Variants in RBM45 observed in about 807,000 individuals in gnomAD.
RBM45 encodes the protein RNA binding motif protein 45, also known as RNA-binding protein 45.
Under a neutral mutation model 58.5 loss-of-function variants are expected in RBM45, and 39 were observed. That is an observed-to-expected ratio of 0.67 (90% CI 0.52 to 0.87). The LOEUF is 0.87. RBM45 is among the 40% of genes least tolerant of loss of function. The pLI is 0.00. For synonymous variants in RBM45, 193 were observed against 203.0 expected, an observed-to-expected ratio of 0.95 and a Z score of 0.42; for missense variants, 481 against 581.6, an observed-to-expected ratio of 0.83 and a Z score of 1.78.
downstream of RBM45, among the ~76,000 whole-genome samples, chr2:178,132,928 C>T (rs762435990): frequency 9.2e-5 from 14 of 152,116 alleles, no homozygotes; most frequent in Non-Finnish European, 1.8e-4. Context: ...CAAGAATCAC[C>T]ATGAGTGTTT....
At chr2:178,115,766 G>T (rs571197682) in intron 1 of RBM45, among the ~76,000 whole-genome samples, 1 of 152,032 alleles carries the variant, frequency 6.6e-6, no homozygotes, top group Non-Finnish European at 1.5e-5. Flanking sequence ...ATTGTATTAC[G>T]TTTCTTCAAA....
chr2:178,136,653 A>G (rs2153907926), exon 4 of RBM45: 1 of 152,318 alleles, frequency 6.6e-6, no homozygotes, highest in East Asian at 1.9e-4. Context: ...TTATGTAGAT[A>G]GCGGTTGGGG....
At chr2:178,112,889 G>GC (rs760505950) in intron 1 of RBM45, 43 bp downstream of exon 1, 17 of 1,577,292 alleles carry the variant, frequency 1.1e-5, no homozygotes, top group South Asian at 1.0e-4. Flanking sequence ...GAAGGAGTGG[G>GC]CCTCTTGGAC....
downstream of RBM45, chr2:178,133,914 A>G (rs2088024920): frequency 6.6e-6 from 1 of 152,178 alleles, no homozygotes; most frequent in African/African-American, 2.4e-5. Flanking sequence ...TGGTATTGAT[A>G]GGAGATCAGA....
intron 1 of RBM45, among the ~76,000 whole-genome samples, chr2:178,114,585 T>C (rs1026108074): frequency 1.3e-5 from 2 of 152,070 alleles, no homozygotes; most frequent in African/African-American, 4.8e-5. Context: ...ACAGTCTAGT[T>C]TCTGTTTCTT....
intron 4 of RBM45, 58 bp downstream of exon 4, chr2:178,120,467 G>A (rs1436016337): frequency 2.0e-6 from 3 of 1,473,168 alleles, no homozygotes; most frequent in East Asian, 4.8e-5. Context: ...TCTAATTTGG[G>A]TTTTAAAGAA....
intron 9 of RBM45, among the ~76,000 whole-genome samples, chr2:178,127,084 G>A (rs551954133): frequency 5.9e-5 from 9 of 152,108 alleles, no homozygotes; most frequent in Admixed American, 1.3e-4. Flanking sequence ...CTACAGGCGC[G>A]TACCACCACG....
chr2:178,136,034 A>G (rs1443244367), intron 3 of RBM45, among the ~76,000 whole-genome samples: 1 of 152,222 alleles, frequency 6.6e-6, no homozygotes, highest in Admixed American at 6.5e-5. Flanking sequence ...ATGACAGCCC[A>G]GTGTGATGGC....
chr2:178,130,624 GAT>G (rs2087996120), downstream of RBM45, among the ~76,000 whole-genome samples: 2 of 152,054 alleles, frequency 1.3e-5, no homozygotes, highest in Admixed American at 1.3e-4. Context: ...ACATTGAATT[GAT>G]ATGTATAAAA....
chr2:178,138,197 TC>T (rs2088060467), exon 4 of RBM45: 1 of 152,158 alleles, frequency 6.6e-6, no homozygotes, highest in Non-Finnish European at 1.5e-5. Flanking sequence ...TTGTTCATTA[TC>T]CAGATCAGAA....
At chr2:178,122,764 G>T (rs2087872425) in intron 5 of RBM45, among the ~76,000 whole-genome samples, 1 of 152,020 alleles carries the variant, frequency 6.6e-6, no homozygotes, top group Non-Finnish European at 1.5e-5. Flanking sequence ...ACTTTATATG[G>T]TCATTTGATT....
Position 178,121,173 on chromosome 2 carries a change from G to A in RBM45, c.674-7G>A, listed in dbSNP as rs768602748. ...CTAAAGATTTACTTTTTTTTATATT[G>A]TCGGAGAACAACAATCTGAATTTTC... On this transcript the variant is annotated splice_polypyrimidine_tract_variant and splice_region_variant and intron_variant, in intron 4 of 9. Transcript: ENST00000286070. 2 of 1,429,970 alleles carry A rather than the reference G, an allele frequency of 1.4e-6. No homozygotes were observed. Among genetic ancestry groups the A allele is most frequent in the South Asian group, 2.5e-5 (2 of 79,288 alleles). The allele number at this position is 1,429,970 out of a possible 1,614,324, so 88.6% of individuals were successfully genotyped here.
At position 178,121,302 on chromosome 2, in the gene RBM45, G is replaced by A. The variant is rs767140115; in HGVS notation, c.796G>A (p.Asp266Asn). ...TGAAGAACAGCTTTTCAGCATTTTTGATATAGTACCAGGATTGGAATATTG... is the reference window on the plus strand; with the variant it reads ...TGAAGAACAGCTTTTCAGCATTTTTAATATAGTACCAGGATTGGAATATTG... ...FTEEQLFSIFDIVPGLEYCEV... is the reference protein window; with the variant it reads ...FTEEQLFSIFNIVPGLEYCEV... Residue 266 changes from aspartate (D) to asparagine (N), a missense_variant, in exon 5 of 10, where the codon GAT becomes AAT. Transcript: ENST00000286070. 6.2e-7 allele frequency: 1 copy of A among 1,604,888 alleles called. No homozygotes were observed. The highest frequency in any genetic ancestry group is 1.7e-5 in the Admixed American group (1 of 58,764).
chr2:178,133,390 G>A (rs759888526), downstream of RBM45, among the ~76,000 whole-genome samples: 16 of 152,124 alleles, frequency 1.1e-4, no homozygotes, highest in African/African-American at 2.7e-4. Flanking sequence ...GAAGAAGTAC[G>A]TAGGTAAATG....
intron 2 of RBM45, 131 bp downstream of exon 2, chr2:178,116,515 C>T: frequency 1.6e-6 from 1 of 625,316 alleles, no homozygotes; most frequent in South Asian, 5.1e-5. Flanking sequence ...CTGCTTTCAT[C>T]AATTTCAATC....
chr2:178,125,907 A>G (rs2087922760), intron 8 of RBM45, 77 bp from the exon 9 acceptor site: 1 of 1,181,538 alleles, frequency 8.5e-7, no homozygotes, highest in South Asian at 1.3e-5. Context: ...AATGGAGTCA[A>G]GAATGGACTC....
intron 6 of RBM45, 61 bp from the exon 7 acceptor site, chr2:178,123,767 A>G: frequency 6.2e-7 from 1 of 1,600,054 alleles, no homozygotes; most frequent in South Asian, 1.1e-5. Flanking sequence ...ACACAAAACA[A>G]GCTACTGTTA....
At chr2:178,113,641 A>G (rs1344858911) in intron 1 of RBM45, among the ~76,000 whole-genome samples, 1 of 152,216 alleles carries the variant, frequency 6.6e-6, no homozygotes, top group Non-Finnish European at 1.5e-5. Context: ...CTGTCAGCAC[A>G]GTGCCTCACA....
chr2:178,122,077 G>T (rs2087860353), intron 5 of RBM45, among the ~76,000 whole-genome samples: 1 of 152,118 alleles, frequency 6.6e-6, no homozygotes, highest in African/African-American at 2.4e-5. Flanking sequence ...TGAGACCTTG[G>T]CAACTTGCTT....
Sources: gnomAD v4.1 joint callset for allele counts (sites outside exome capture counted in the v4.1 genomes callset) on GRCh38, gnomAD v4.1.1 for gene constraint, MANE v1.5 for transcripts, NCBI Gene and HGNC (gene_info 2026-07-23, HGNC 2026-07-21) for gene names.